The following AJAP1 variants were observed in gnomAD, a reference collection of about 807,000 sequenced individuals.
The protein encoded by AJAP1 is adherens junctions associated protein 1.
Under a neutral mutation model 35.0 loss-of-function variants are expected in AJAP1, and 5 were observed. The observed-to-expected ratio is 0.14, with a 90% CI of 0.07 to 0.30. The LOEUF is 0.30. Ranked by LOEUF, AJAP1 falls within the 10% of genes least tolerant of loss-of-function variation. AJAP1 has a pLI of 1.00. For missense variants in AJAP1, 586 were observed against 571.0 expected, an observed-to-expected ratio of 1.03 and a Z score of -0.27; for synonymous variants, 284 against 249.3, an observed-to-expected ratio of 1.14 and a Z score of -1.31.
chr1:4,744,733 C>T (rs1641150375), intron 2 of AJAP1, among the ~76,000 whole-genome samples: 1 of 152,152 alleles, frequency 6.6e-6, no homozygotes, highest in South Asian at 2.1e-4. Context: ...CACACATGCC[C>T]ACATGCAGAC....
rs987727632 is a variant in AJAP1 at position 4,656,785 on chromosome 1, C to A, written c.29+1331C>A. 2.6e-5 allele frequency among the ~76,000 whole-genome samples: 4 copies of A among 152,120 alleles called. No individual in the cohort carries two copies. Among genetic ancestry groups the A allele is most frequent in the Non-Finnish European group, 5.9e-5 (4 of 68,032 alleles). Reference sequence around the variant, plus strand: ...TGGGCTTCAAAGGTTAATCATGGAGCCGATTGTGTTGGGTGTGGGATATTG... The same window carrying A: ...TGGGCTTCAAAGGTTAATCATGGAGACGATTGTGTTGGGTGTGGGATATTG... On this transcript the variant is annotated intron_variant, in intron 1 of 5. Transcript: ENST00000378191. The surrounding 1 kb of genome is among the most constrained non-coding windows in gnomAD (Gnocchi z 5.7).
intron 2 of AJAP1, among the ~76,000 whole-genome samples, chr1:4,753,092 G>A (rs569311594): frequency 1.9e-4 from 29 of 152,234 alleles, no homozygotes; most frequent in African/African-American, 4.3e-4. Context: ...CTTCTTTTAC[G>A]GCGTTTTATA....
At chr1:4,738,310 A>G (rs1640977644) in intron 2 of AJAP1, among the ~76,000 whole-genome samples, 1 of 152,240 alleles carries the variant, frequency 6.6e-6, no homozygotes, top group African/African-American at 2.4e-5. Flanking sequence ...CGTAATTGTC[A>G]ACCATGTTGA....
At chr1:4,675,269 G>A (rs751363130) in intron 1 of AJAP1, among the ~76,000 whole-genome samples, 16 of 152,220 alleles carry the variant, frequency 1.1e-4, no homozygotes, top group African/African-American at 2.4e-4. Flanking sequence ...ACCGAAAGCC[G>A]TCATACTCAC....
intron 2 of AJAP1, among the ~76,000 whole-genome samples, chr1:4,740,644 G>A (rs1026859625): frequency 2.8e-4 from 42 of 151,728 alleles, no homozygotes; most frequent in African/African-American, 7.7e-4. Context: ...AAATTAGCCG[G>A]GTGTGGTGGC....
chr1:4,731,840 C>G (rs1640804036), intron 2 of AJAP1, among the ~76,000 whole-genome samples: 1 of 152,236 alleles, frequency 6.6e-6, no homozygotes, highest in Non-Finnish European at 1.5e-5. Context: ...CCCTTCCGCC[C>G]CTGTCCTTCA....
chr1:4,692,372 G>C lies in AJAP1; in HGVS notation c.30-19528G>C, dbSNP rs1156400353. Among the ~76,000 whole-genome samples the C allele has an allele frequency of 2.0e-5, 3 of 152,166 alleles. No homozygotes were observed. The highest frequency in any genetic ancestry group is 7.2e-5 in the African/African-American group (3 of 41,448). Reference sequence around the variant, plus strand: ...TTCCCTTCTGGCCTCTCAGCCTGCAGGAGAGGCTGGGGGGCACGTCTGAGG... The same window carrying C: ...TTCCCTTCTGGCCTCTCAGCCTGCACGAGAGGCTGGGGGGCACGTCTGAGG... On this transcript the variant is annotated intron_variant, in intron 1 of 5. Coordinates refer to ENST00000378191, the MANE Select transcript of AJAP1 (RefSeq NM_018836.4). This position sits in a 1 kb window ranked among gnomAD's most constrained non-coding sequence, Gnocchi z 4.4.
At chr1:4,673,325 C>A (rs1218624879) in intron 1 of AJAP1, among the ~76,000 whole-genome samples, 1 of 152,200 alleles carries the variant, frequency 6.6e-6, no homozygotes, top group African/African-American at 2.4e-5. Flanking sequence ...GAGTGAGGTG[C>A]CACTGACGGC....
At chr1:4,758,447 A>C (rs1451821559) in intron 2 of AJAP1, among the ~76,000 whole-genome samples, 1 of 152,208 alleles carries the variant, frequency 6.6e-6, no homozygotes, top group Non-Finnish European at 1.5e-5. Flanking sequence ...CAATCATGGC[A>C]GAAGTTGACG....
intron 1 of AJAP1, among the ~76,000 whole-genome samples, chr1:4,665,675 T>C (rs1639099921): frequency 6.6e-6 from 1 of 151,924 alleles, no homozygotes; most frequent in Admixed American, 6.5e-5. Context: ...GTGACAGGTA[T>C]GGTAGCCACT....
intron 2 of AJAP1, among the ~76,000 whole-genome samples, chr1:4,727,656 T>C (rs1640698071): frequency 6.6e-6 from 1 of 152,216 alleles, no homozygotes; most frequent in African/African-American, 2.4e-5. Flanking sequence ...TCTGCACCTC[T>C]GTGGAATCCC....
chr1:4,777,514 G>T (rs895499487), intron 5 of AJAP1: 1 of 152,232 alleles, frequency 6.6e-6, no homozygotes, highest in African/African-American at 2.4e-5. Context: ...GGGCCAGACT[G>T]CTCTGGGCAA....
chr1:4,701,338 G>A (rs1008372127), intron 1 of AJAP1, among the ~76,000 whole-genome samples: 3 of 152,206 alleles, frequency 2.0e-5, no homozygotes, highest in East Asian at 1.9e-4. Flanking sequence ...TTGGTTACAC[G>A]GGTTAGTTTT....
chr1:4,658,470 C>G (rs1638931305), intron 1 of AJAP1, among the ~76,000 whole-genome samples: 1 of 152,244 alleles, frequency 6.6e-6, no homozygotes, highest in African/African-American at 2.4e-5. Flanking sequence ...TGAAGTCAAA[C>G]GCGCAGTCCA....
At chr1:4,766,600 G>A (rs2743980) in intron 2 of AJAP1, among the ~76,000 whole-genome samples, 118,350 of 152,110 alleles carry the variant, frequency 0.78, 46,465 homozygotes, top group African/African-American at 0.81. Flanking sequence ...CATAGTTGTA[G>A]CATCCTAAGC....
At chr1:4,779,226 G>A (rs184841300) in intron 5 of AJAP1, among the ~76,000 whole-genome samples, 37 of 152,210 alleles carry the variant, frequency 2.4e-4, no homozygotes, top group Non-Finnish European at 5.0e-4. Flanking sequence ...AAGCTGGAAC[G>A]TAGAGAGGAA....
At position 4,712,079 on chromosome 1, in the gene AJAP1, A is replaced by T. The variant is rs770504033; in HGVS notation, c.209A>T (p.Gln70Leu). 6.4e-7 allele frequency: 1 copy of T among 1,571,872 alleles called. No individual in the cohort carries two copies. Among genetic ancestry groups the T allele is most frequent in the East Asian group, 2.4e-5 (1 of 42,206 alleles). Residue 70 changes from glutamine to leucine, a missense_variant, in exon 2 of 6, where the codon CAG becomes CTG. Gln to Leu is a moderately radical substitution (Grantham distance 113). Transcript: ENST00000378191. ...PPRLWSFRSGQPARVPAPVWS... is the reference protein window; with the variant it reads ...PPRLWSFRSGLPARVPAPVWS... ...CGGCTGTGGAGTTTTAGGAGTGGAC[A>T]GCCAGCGCGGGTCCCGGCCCCGGTG... is the stretch of plus-strand genomic sequence containing the variant.
chr1:4,708,187 C>T (rs1031284528), intron 1 of AJAP1, among the ~76,000 whole-genome samples: 3 of 151,892 alleles, frequency 2.0e-5, no homozygotes, highest in South Asian at 2.1e-4. Context: ...AGGATGGTCT[C>T]GATCCCTTGA....
rs541750979 is a variant in AJAP1, at chr1:4,743,180, GT to G, written c.830-26671del. Among the ~76,000 whole-genome samples the G allele has an allele frequency of 4.4e-3, 663 of 152,306 alleles. 9 individuals carry two copies. Among genetic ancestry groups the G allele is most frequent in the African/African-American group, 0.015 (627 of 41,562 alleles). Reference sequence around the variant, plus strand: ...AAGGCTCTTGTTGAAATGGACATGTGTTCTCTGCTGGGGCCCCACAGAGTGA... The same window carrying G: ...AAGGCTCTTGTTGAAATGGACATGTGTCTCTGCTGGGGCCCCACAGAGTGA... On this transcript the variant is annotated intron_variant, in intron 2 of 5. Transcript: ENST00000378191.
Sources: gnomAD v4.1 joint callset for allele counts (sites outside exome capture counted in the v4.1 genomes callset) on GRCh38, gnomAD v4.1.1 for gene constraint, Gnocchi (gnomAD v3.1) non-coding constraint, MANE v1.5 for transcripts, NCBI Gene and HGNC (gene_info 2026-07-23, HGNC 2026-07-21) for gene names.